Variants in SORCS3 observed in about 807,000 individuals in gnomAD.
The protein encoded by SORCS3 is sortilin related VPS10 domain containing receptor 3, also known as VPS10 domain-containing receptor SorCS3.
In SORCS3, 57 loss-of-function variants were observed where a neutral mutation model predicts 146.3. The observed-to-expected ratio is 0.39, with a 90% confidence interval of 0.31 to 0.49. The LOEUF is 0.49. SORCS3 is among the 20% of genes least tolerant of loss of function. SORCS3 has a pLI of 0.92. For synonymous variants in SORCS3, 653 were observed against 618.5 expected (o/e 1.06, Z -0.83); for missense variants, 1,341 against 1,575.5 (o/e 0.85, Z 2.52).
rs2056140967 is a variant in SORCS3 at position 105,147,679 on chromosome 10, G to A, written c.1365G>A (p.Gln455=). ...QVFAAVQEWN[Q]NDTYNLYISD... The stretch of plus-strand genomic sequence containing the variant: ...TTGCTGCGGTCCAAGAATGGAACCA[G>A]AACGACACGTACAACCTCTACATCT... Residue 455 remains glutamine (Q), a synonymous_variant, in exon 9 of 27, where the codon CAG becomes CAA. Transcript: ENST00000369701. 6.2e-7 allele frequency: 1 copy of A among 1,612,990 alleles called. No individual in the cohort carries two copies. The highest frequency in any genetic ancestry group is 2.2e-5 in the East Asian group (1 of 44,842).
chr10:105,081,469 G>A (rs552915243), intron 5 of SORCS3, among the ~76,000 whole-genome samples: 16 of 152,296 alleles, frequency 1.1e-4, no homozygotes, highest in African/African-American at 3.6e-4. Context: ...GGGTTGGACA[G>A]GATTGTGATG....
At chr10:104,914,152 T>C (rs549329644) in intron 2 of SORCS3, among the ~76,000 whole-genome samples, 1 of 152,306 alleles carries the variant, frequency 6.6e-6, no homozygotes, top group East Asian at 1.9e-4. Context: ...GCTATGGATG[T>C]AGAATGAAAC....
At chr10:104,644,815 G>C (rs11192144) in intron 1 of SORCS3, among the ~76,000 whole-genome samples, 10,544 of 152,274 alleles carry the variant, frequency 0.069, 509 homozygotes, top group Non-Finnish European at 0.11. Flanking sequence ...CTGATTGCTT[G>C]ATATGAGTTC....
intron 3 of SORCS3, among the ~76,000 whole-genome samples, chr10:104,960,684 G>A (rs556914084): frequency 9.2e-5 from 14 of 152,216 alleles, no homozygotes; most frequent in South Asian, 4.1e-4. Context: ...AAGGCTCCAC[G>A]TCTCAAAACT....
At chr10:104,837,630 C>G (rs553506284) in intron 1 of SORCS3, among the ~76,000 whole-genome samples, 2 of 152,302 alleles carry the variant, frequency 1.3e-5, no homozygotes, top group Non-Finnish European at 2.9e-5. Context: ...ATCTCTGTTT[C>G]CTATTTTTCT....
rs2056220138 is a variant in SORCS3 at position 105,157,368 on chromosome 10, G to A, written c.1629+84G>A. 3 of 1,533,790 alleles carry A rather than the reference G, an allele frequency of 2.0e-6. No homozygotes were observed. In the East Asian group the frequency reaches 6.9e-5, roughly 35 times the overall value. ...TGTCGAGGGCTTTGTTTCGTCAAAG[G>A]GTCTTAGGAACTCAGGTGGTGCAGA... On this transcript the variant is annotated intron_variant, in intron 10 of 26. Transcript: ENST00000369701.
intron 1 of SORCS3, among the ~76,000 whole-genome samples, chr10:104,778,082 A>C (rs1284940633): frequency 6.6e-6 from 1 of 152,206 alleles, no homozygotes; most frequent in African/African-American, 2.4e-5. Flanking sequence ...TAACAGTAAT[A>C]TATGGTATAT....
intron 1 of SORCS3, among the ~76,000 whole-genome samples, chr10:104,701,167 CA>C (rs1360097867): frequency 6.6e-6 from 1 of 152,190 alleles, no homozygotes; most frequent in Non-Finnish European, 1.5e-5. Context: ...AGAAAATATA[CA>C]TAAGCAATGT....
intron 2 of SORCS3, among the ~76,000 whole-genome samples, chr10:104,857,872 A>C (rs1056161473): frequency 2.0e-5 from 3 of 152,192 alleles, no homozygotes; most frequent in African/African-American, 7.2e-5. Flanking sequence ...TGACTTCTTA[A>C]ACTTATCCCA....
At chr10:105,111,562 A>G (rs2055859108) in intron 7 of SORCS3, among the ~76,000 whole-genome samples, 1 of 152,240 alleles carries the variant, frequency 6.6e-6, no homozygotes, top group African/African-American at 2.4e-5. Flanking sequence ...ACAATTGCTC[A>G]ATGCGTAAGA....
chr10:104,709,578 C>T (rs2016388628), intron 1 of SORCS3, among the ~76,000 whole-genome samples: 1 of 152,172 alleles, frequency 6.6e-6, no homozygotes, highest in Admixed American at 6.5e-5. Flanking sequence ...CTTTTCAGCA[C>T]CCCATGAGAT....
intron 17 of SORCS3, 75 bp from the exon 18 acceptor site, chr10:105,214,367 C>A (rs2056652363): frequency 1.1e-6 from 1 of 887,348 alleles, no homozygotes; most frequent in South Asian, 1.9e-5. Context: ...CCCTTTATAA[C>A]ACACACACAC....
intron 2 of SORCS3, among the ~76,000 whole-genome samples, chr10:104,864,168 G>A (rs1025452480): frequency 6.1e-4 from 93 of 152,192 alleles, no homozygotes; most frequent in African/African-American, 2.0e-3. Flanking sequence ...TGAGTACATA[G>A]GGATGTAGTA....
At chr10:105,242,956 A>G (rs2056844726) in intron 20 of SORCS3, among the ~76,000 whole-genome samples, 1 of 122,564 alleles carries the variant, frequency 8.2e-6, no homozygotes, top group Non-Finnish European at 1.6e-5. Flanking sequence ...TATGATATAT[A>G]TTATATATTG....
intron 3 of SORCS3, among the ~76,000 whole-genome samples, chr10:104,939,607 G>T (rs920530344): frequency 6.6e-6 from 1 of 152,118 alleles, no homozygotes; most frequent in Non-Finnish European, 1.5e-5. Context: ...TTACCACTGG[G>T]GAAGAGGGAG....
chr10:104,744,055 A>G (rs1564673502), intron 1 of SORCS3, among the ~76,000 whole-genome samples: 1 of 152,208 alleles, frequency 6.6e-6, no homozygotes, highest in Admixed American at 6.5e-5. Flanking sequence ...GATGGACATT[A>G]TCATCTCCAT....
intron 4 of SORCS3, among the ~76,000 whole-genome samples, chr10:105,000,744 C>T (rs2055056151): frequency 6.6e-6 from 1 of 152,078 alleles, no homozygotes; most frequent in Non-Finnish European, 1.5e-5. Flanking sequence ...AGATAGTGGC[C>T]AACATATTGG....
Position 104,741,700 on chromosome 10 carries a change from G to GT in SORCS3, c.627+99778dup, listed in dbSNP as rs71022746. On this transcript the variant is annotated intron_variant, in intron 1 of 26. Transcript: ENST00000369701. Reference sequence around the variant, plus strand: ...CTTTCCTCTTTCCTTTCCATTCTGGGTTTTTTTTTTTTTTTTTTTTTTTTT... The same window carrying GT: ...CTTTCCTCTTTCCTTTCCATTCTGGGTTTTTTTTTTTTTTTTTTTTTTTTTT... 6.1e-4 allele frequency among the ~76,000 whole-genome samples: 2 copies of GT among 3,264 alleles called. 1 individual carries two copies. Among genetic ancestry groups the GT allele is most frequent in the Non-Finnish European group, 1.1e-3 (2 of 1,782 alleles). The allele number at this position is 3,264 out of a possible 152,430, so 2.1% of individuals were successfully genotyped here. A position where few individuals can be genotyped will look rare whatever the true frequency, so the allele number is the denominator to read the frequency against.
chr10:105,187,767 C>T (rs779063991), intron 14 of SORCS3, among the ~76,000 whole-genome samples: 4 of 152,132 alleles, frequency 2.6e-5, no homozygotes, highest in Non-Finnish European at 5.9e-5. Flanking sequence ...CTCAACAATA[C>T]GTATCGATAG....
Sources: gnomAD v4.1 joint callset for allele counts (sites outside exome capture counted in the v4.1 genomes callset) on GRCh38, gnomAD v4.1.1 for gene constraint, MANE v1.5 for transcripts, NCBI Gene and HGNC (gene_info 2026-07-23, HGNC 2026-07-21) for gene names.